Variants in PBX1 observed in about 807,000 individuals in gnomAD.
The protein encoded by PBX1 is PBX homeobox 1, also known as pre-B-cell leukemia transcription factor 1.
In PBX1, 6 loss-of-function variants were observed where a neutral mutation model predicts 53.4. The ratio of observed to expected loss-of-function variants is 0.11; its 90% confidence interval spans 0.06 to 0.22. The LOEUF (loss-of-function observed/expected upper bound fraction) is 0.22, where lower values mean the gene tolerates loss of function less well. PBX1 is among the 10% of genes least tolerant of loss of function. The pLI is 1.00. For missense variants in PBX1, 251 were observed against 551.4 expected (o/e 0.46, Z 5.46); for synonymous variants, 204 against 212.3 (o/e 0.96, Z 0.34).
At chr1:164,885,630 G>A (rs1156254800) in intron 2 of PBX1, among the ~76,000 whole-genome samples, 1 of 152,130 alleles carries the variant, frequency 6.6e-6, no homozygotes, top group Non-Finnish European at 1.5e-5. Context: ...TTCAAGCAAT[G>A]GGCTCTTGGG....
At chr1:164,584,101 G>C (rs773998999) in intron 2 of PBX1, among the ~76,000 whole-genome samples, 6 of 152,138 alleles carry the variant, frequency 3.9e-5, no homozygotes, top group Non-Finnish European at 7.4e-5. Context: ...AATGCTAGTT[G>C]AAGGAAGGAA....
At chr1:164,770,337 G>C (rs1245083378) in intron 2 of PBX1, 1 of 152,118 alleles carries the variant, frequency 6.6e-6, no homozygotes, top group East Asian at 1.9e-4. Flanking sequence ...TTGAAAACTA[G>C]GGCTCTTTTC....
At chr1:164,635,571 C>CG (rs1316082333) in intron 2 of PBX1, among the ~76,000 whole-genome samples, 1 of 152,224 alleles carries the variant, frequency 6.6e-6, no homozygotes, top group Non-Finnish European at 1.5e-5. Context: ...GAGGCGCGCG[C>CG]GGGCTGCGCC....
chr1:164,640,366 A>T (rs1659044943), intron 2 of PBX1, among the ~76,000 whole-genome samples: 1 of 152,104 alleles, frequency 6.6e-6, no homozygotes. Flanking sequence ...TGATGAAAAC[A>T]TTGACCTATT....
rs748876013 is a variant in PBX1, at chr1:164,848,674, T to G, written c.*1998T>G. On this transcript the variant is annotated 3_prime_UTR_variant, in exon 9 of 9. Coordinates refer to ENST00000420696, the MANE Select transcript of PBX1 (RefSeq NM_002585.4). ...AGGCCCTGGTTCCCTTAGTTTGCAC[T>G]TGAACCCAATATGTTGCCTTGTACA... is the stretch of plus-strand genomic sequence containing the variant. 8.8e-5 allele frequency: 93 copies of G among 1,055,898 alleles called. No homozygotes were observed. The highest frequency in any genetic ancestry group is 1.0e-4 in the Non-Finnish European group (89 of 873,526). The allele number at this position is 1,055,898 out of a possible 1,614,324, so 65.4% of individuals were successfully genotyped here.
At chr1:164,776,529 CTCTT>C (rs1667655837) in intron 2 of PBX1, among the ~76,000 whole-genome samples, 2 of 152,034 alleles carry the variant, frequency 1.3e-5, no homozygotes, top group Admixed American at 1.3e-4. Flanking sequence ...TTTTTGAGTC[CTCTT>C]TGTTTTTCAT....
At chr1:164,673,556 C>T (rs1661237426) in intron 2 of PBX1, among the ~76,000 whole-genome samples, 1 of 150,330 alleles carries the variant, frequency 6.7e-6, no homozygotes, top group South Asian at 2.1e-4. Context: ...CTGCAACCTC[C>T]GCCTCCCGGC....
At chr1:164,880,542 C>T (rs545829268) in intron 2 of PBX1, among the ~76,000 whole-genome samples, 29 of 152,260 alleles carry the variant, frequency 1.9e-4, no homozygotes, top group African/African-American at 6.7e-4. Flanking sequence ...AATGCTTTTT[C>T]CCAGCACTCC....
At chr1:164,693,695 CTT>C (rs748934399) in intron 2 of PBX1, among the ~76,000 whole-genome samples, 9 of 152,176 alleles carry the variant, frequency 5.9e-5, no homozygotes, top group Non-Finnish European at 1.2e-4. Flanking sequence ...CCTTCACACA[CTT>C]TTGCTCTCCA....
At chr1:164,756,912 T>G (rs1483972744) in intron 2 of PBX1, among the ~76,000 whole-genome samples, 4 of 152,194 alleles carry the variant, frequency 2.6e-5, no homozygotes. Flanking sequence ...GAGAAAAAAA[T>G]GTATTTATGA....
chr1:164,848,034 T>C lies in PBX1; in HGVS notation c.*1358T>C, dbSNP rs181970491. On this transcript the variant is annotated 3_prime_UTR_variant, in exon 9 of 9. Coordinates refer to ENST00000420696, the MANE Select transcript of PBX1 (RefSeq NM_002585.4). The stretch of plus-strand genomic sequence containing the variant: ...AAAATGTTATACCACACTATGTTCT[T>C]GGTCCTGACCTATTGCTCTGGAGGA... The C allele has an allele frequency of 1.9e-6, 2 of 1,050,278 alleles. No individual in the cohort carries two copies. The highest frequency in any genetic ancestry group is 1.1e-4 in the Admixed American group (2 of 18,160). 65.1% of individuals were successfully genotyped at this position (1,050,278 alleles called of 1,614,324 possible).
At chr1:164,640,558 G>GTT (rs1377884988) in intron 2 of PBX1, among the ~76,000 whole-genome samples, 19 of 41,366 alleles carry the variant, frequency 4.6e-4, no homozygotes, top group African/African-American at 1.2e-3. Context: ...TTTTTTTTGT[G>GTT]TTTTTTTTTT....
intron 5 of PBX1, among the ~76,000 whole-genome samples, chr1:164,809,024 A>G (rs907065209): frequency 6.6e-6 from 1 of 152,210 alleles, no homozygotes; most frequent in Non-Finnish European, 1.5e-5. Context: ...TCCACAAAAA[A>G]GGGAATTAAT....
intron 2 of PBX1, among the ~76,000 whole-genome samples, chr1:164,660,421 A>G (rs966412229): frequency 1.3e-5 from 2 of 152,206 alleles, no homozygotes; most frequent in African/African-American, 4.8e-5. Flanking sequence ...GAGACCCAAA[A>G]CACCTGTGTG....
At chr1:164,779,208 C>A (rs1321190725) in intron 2 of PBX1, among the ~76,000 whole-genome samples, 1 of 151,760 alleles carries the variant, frequency 6.6e-6, no homozygotes, top group Non-Finnish European at 1.5e-5. Flanking sequence ...TCTTCTCTAC[C>A]ACATTGTCCA....
intron 2 of PBX1, among the ~76,000 whole-genome samples, chr1:164,600,380 T>C (rs1656083302): frequency 6.6e-6 from 1 of 151,268 alleles, no homozygotes; most frequent in Non-Finnish European, 1.5e-5. Flanking sequence ...GCCTCCCGAG[T>C]AGCTGGGATT....
intron 4 of PBX1, among the ~76,000 whole-genome samples, chr1:164,802,858 A>C (rs1047313221): frequency 3.3e-5 from 5 of 152,088 alleles, no homozygotes; most frequent in African/African-American, 1.2e-4. Flanking sequence ...TATTATCAGG[A>C]CTATAAATAA....
chr1:164,576,332 T>C (rs1198081310), intron 2 of PBX1, among the ~76,000 whole-genome samples: 1 of 152,176 alleles, frequency 6.6e-6, no homozygotes, highest in Non-Finnish European at 1.5e-5. Context: ...TCTGTTGACT[T>C]CACCGCAGGG....
chr1:164,694,322 G>A (rs1037952933), intron 2 of PBX1, among the ~76,000 whole-genome samples: 1 of 152,072 alleles, frequency 6.6e-6, no homozygotes, highest in Non-Finnish European at 1.5e-5. Flanking sequence ...CTAAGTATTC[G>A]TATGCCTGCA....
Sources: gnomAD v4.1 joint callset for allele counts (sites outside exome capture counted in the v4.1 genomes callset) on GRCh38, gnomAD v4.1.1 for gene constraint, MANE v1.5 for transcripts, NCBI Gene and HGNC (gene_info 2026-07-23, HGNC 2026-07-21) for gene names.